The following FRMD8 variants were observed in gnomAD, a reference collection of about 807,000 sequenced individuals.
FRMD8 encodes FERM domain-containing protein 8.
A neutral mutation model predicts 54.2 loss-of-function variants in FRMD8; 37 were observed. That is an observed-to-expected ratio of 0.68 (90% CI 0.53 to 0.90). FRMD8 has a LOEUF of 0.90. Among genes scored for constraint, FRMD8 ranks in the 40% least tolerant of loss-of-function variants. The pLI, the probability that FRMD8 is intolerant of heterozygous loss-of-function variation, is 0.00. For missense variants in FRMD8, 585 were observed against 653.7 expected (o/e 0.89, Z 1.15); for synonymous variants, 246 against 286.9 (o/e 0.86, Z 1.44).
intron 7 of FRMD8, among the ~76,000 whole-genome samples, 177 bp downstream of exon 7, chr11:65,397,197 C>T (rs1343268812): frequency 1.3e-5 from 2 of 151,532 alleles, no homozygotes; most frequent in Non-Finnish European, 2.9e-5. Context: ...TCCTCCCCTT[C>T]CTCCTGTCAG....
the FRMD8 span, chr11:65,379,403 T>C: frequency 6.2e-7 from 1 of 1,612,024 alleles, no homozygotes; most frequent in Admixed American, 1.7e-5. Context: ...TGCAGCCCGC[T>C]AGGAAGATGT....
At chr11:65,411,127 T>G in intron 10 of FRMD8, 115 bp from the exon 11 acceptor site, 4 of 778,516 alleles carry the variant, frequency 5.1e-6, no homozygotes, top group Non-Finnish European at 8.1e-6. Flanking sequence ...GAGCTCAGTC[T>G]GACCAGGCTC....
the FRMD8 span, among the ~76,000 whole-genome samples, chr11:65,368,573 TG>T: frequency 6.6e-6 from 1 of 151,218 alleles, no homozygotes; most frequent in African/African-American, 2.4e-5. Flanking sequence ...TGTTTTGTTT[TG>T]TTTTTTTGAG....
rs555736039 is a variant in FRMD8 at position 65,393,804 on chromosome 11, G to T, written c.355+130G>T. ...GGGGCAGGGCCTGCATCTCCCCCAG[G>T]CTCCGTCAGCCACCCCTGGCAGGGG... On this transcript the variant is annotated intron_variant, in intron 4 of 10. Transcript: ENST00000317568. The T allele has an allele frequency of 6.2e-5, 52 of 845,152 alleles. 1 individual carries two copies. In the Middle Eastern group the frequency reaches 1.1e-3, roughly 18 times the overall value. The allele number at this position is 845,152 out of a possible 1,614,324, so 52.4% of individuals were successfully genotyped here.
At chr11:65,393,984 G>A in intron 4 of FRMD8, 57 bp from the exon 5 acceptor site, 1 of 1,583,714 alleles carries the variant, frequency 6.3e-7, no homozygotes, top group South Asian at 1.1e-5. Context: ...CCAATCGGGA[G>A]AGGGGAGGGC....
chr11:65,406,082 C>T (rs183926878), intron 10 of FRMD8, among the ~76,000 whole-genome samples: 22 of 151,952 alleles, frequency 1.4e-4, no homozygotes, highest in African/African-American at 4.6e-4. Flanking sequence ...GGCTGGAGTA[C>T]AGTGGCATGA....
In FRMD8 at chr11:65,400,422, G is replaced by T. The variant is rs1319547082; in HGVS notation, c.928-302G>T. The stretch of plus-strand genomic sequence containing the variant: ...AGCTCAGCCTCATGCTAGATGCCAC[G>T]CCCGACCTCATAGAAGAGACTCCGC... On this transcript the variant is annotated intron_variant, in intron 8 of 10. Transcript: ENST00000317568. The surrounding 1 kb of genome is among the most constrained non-coding windows in gnomAD (Gnocchi z 4.3). 6.6e-6 allele frequency among the ~76,000 whole-genome samples: 1 copy of T among 152,102 alleles called. No individual in the cohort carries two copies. Among genetic ancestry groups the T allele is most frequent in the African/African-American group, 2.4e-5 (1 of 41,416 alleles).
chr11:65,401,173 A>C (rs1052152469), intron 9 of FRMD8, among the ~76,000 whole-genome samples: 3 of 151,996 alleles, frequency 2.0e-5, no homozygotes, highest in African/African-American at 7.3e-5. Context: ...CCTGTCCCCA[A>C]GACCAGTGCT....
intron 10 of FRMD8, 71 bp downstream of exon 10, chr11:65,405,139 A>C (rs985062043): frequency 6.2e-6 from 9 of 1,451,258 alleles, no homozygotes; most frequent in Non-Finnish European, 8.6e-6. Flanking sequence ...GGAGTTCCTG[A>C]GGACAGGGCA....
intron 10 of FRMD8, 99 bp from the exon 11 acceptor site, chr11:65,411,143 G>T (rs980317156): frequency 2.6e-5 from 24 of 912,854 alleles, no homozygotes; most frequent in Non-Finnish European, 4.0e-5. Flanking sequence ...GGCTCTGGAA[G>T]GAGCCGTCGC....
chr11:65,380,543 A>G, the FRMD8 span: 24 of 1,354,640 alleles, frequency 1.8e-5, no homozygotes, highest in Non-Finnish European at 2.3e-5. Flanking sequence ...CCTCTCCGAG[A>G]GCTTTACTCT....
the FRMD8 span, among the ~76,000 whole-genome samples, chr11:65,374,559 C>CA: frequency 1.3e-5 from 2 of 152,208 alleles, no homozygotes; most frequent in Non-Finnish European, 2.9e-5. Context: ...GAGGTGGACT[C>CA]ACGTTGATCT....
At chr11:65,376,662 C>G in the FRMD8 span, 8 of 1,613,908 alleles carry the variant, frequency 5.0e-6, no homozygotes, top group Non-Finnish European at 6.8e-6. Flanking sequence ...CTGCCACCAG[C>G]ACCGTGGCTG....
chr11:65,409,203 C>T (rs989416182), intron 10 of FRMD8, among the ~76,000 whole-genome samples: 2 of 152,100 alleles, frequency 1.3e-5, no homozygotes, highest in Admixed American at 6.5e-5. Flanking sequence ...CTCCCTGCCT[C>T]AGCCTCGCAA....
At chr11:65,388,164 CA>C (rs1269933120) in intron 2 of FRMD8, among the ~76,000 whole-genome samples, 1,716 of 93,678 alleles carry the variant, frequency 0.018, 29 homozygotes, top group African/African-American at 0.052. Context: ...AACTCCGTCT[CA>C]AAAAAAAAAA....
At position 65,387,124 on chromosome 11, in the gene FRMD8, G is replaced by A; in HGVS notation, c.85+3G>A. 1 of 1,604,304 alleles carries A rather than the reference G, an allele frequency of 6.2e-7. No homozygotes were observed. Among genetic ancestry groups the A allele is most frequent in the South Asian group, 1.1e-5 (1 of 91,078 alleles). On this transcript the variant is annotated splice_donor_region_variant and intron_variant, in intron 2 of 10. Coordinates refer to ENST00000317568, the MANE Select transcript of FRMD8 (RefSeq NM_031904.5). ...CGTGTCCTCCGTGGGAGCCCGAGGT[G>A]GGTCCCACCCGCATCTCCTCTTCCA...
At chr11:65,380,430 G>A in the FRMD8 span, 19 of 1,031,112 alleles carry the variant, frequency 1.8e-5, no homozygotes, top group Non-Finnish European at 2.5e-5. Flanking sequence ...ACACCCAAGA[G>A]GGAAGAGCCA....
In FRMD8 at chr11:65,411,919, G is replaced by C. The variant is rs754072434; in HGVS notation, c.*559G>C. The C allele has an allele frequency of 6.6e-6, 1 of 152,364 alleles. No homozygotes were observed. The highest frequency in any genetic ancestry group is 1.5e-5 in the Non-Finnish European group (1 of 68,160). The allele number at this position is 152,364 out of a possible 1,614,324, so 9.4% of individuals were successfully genotyped here. ...CAATACCAGGCTGGGCCACCACTCT[G>C]AGGAGGGTAGGAGGGGCCTCCCTGG... On this transcript the variant is annotated 3_prime_UTR_variant, in exon 11 of 11. Transcript: ENST00000317568.
At chr11:65,368,339 G>C in the FRMD8 span, among the ~76,000 whole-genome samples, 3 of 151,950 alleles carry the variant, frequency 2.0e-5, no homozygotes, top group African/African-American at 7.2e-5. Context: ...GCCTCCCAAA[G>C]TGCTGGGATT....
Sources: allele counts gnomAD v4.1 joint callset (sites outside exome capture counted in the v4.1 genomes callset), GRCh38; gene constraint gnomAD v4.1.1; non-coding constraint Gnocchi (gnomAD v3.1); transcripts MANE v1.5; gene names NCBI Gene and HGNC (gene_info 2026-07-23, HGNC 2026-07-21).